AGBL1: variants seen among roughly 807,000 people sequenced by gnomAD.
AGBL1 encodes the protein AGBL carboxypeptidase 1.
AGBL1 carries 130 observed loss-of-function variants against 118.9 expected under a neutral mutation model. The ratio of observed to expected loss-of-function variants is 1.09; its 90% CI spans 0.95 to 1.26. AGBL1 has a LOEUF of 1.26. Among genes scored for constraint, AGBL1 ranks in the 50% most tolerant of loss-of-function variants. The pLI, the probability that AGBL1 is intolerant of heterozygous loss-of-function variation, is 0.00. For missense variants in AGBL1, 1,584 were observed against 1,298.1 expected, an observed-to-expected ratio of 1.22 and a Z score of -3.38; for synonymous variants, 555 against 478.9, an observed-to-expected ratio of 1.16 and a Z score of -2.08.
chr15:86,604,123 T>C (rs1196380870), intron 21 of AGBL1, among the ~76,000 whole-genome samples: 1 of 152,096 alleles, frequency 6.6e-6, no homozygotes, highest in East Asian at 1.9e-4. Context: ...AACAAACTCA[T>C]CGGGGCCACC....
rs536602469 is a variant in AGBL1 at position 86,432,655 on chromosome 15, C to G, written c.2555+35109C>G. 2.0e-5 allele frequency among the ~76,000 whole-genome samples: 3 copies of G among 152,258 alleles called. No homozygotes were observed. The East Asian group carries it at 5.8e-4, about 29-fold the overall frequency. On this transcript the variant is annotated intron_variant, in intron 18 of 22. Transcript: ENST00000614907. ...TTATACTTTACTCTTGCTGGCCAAC[C>G]TTTTTCACTTAAATAATATCAGGTC...
chr15:86,499,015 C>A (rs906576875), intron 18 of AGBL1, among the ~76,000 whole-genome samples: 1 of 151,872 alleles, frequency 6.6e-6, no homozygotes, highest in Non-Finnish European at 1.5e-5. Context: ...GTGTGCTAGA[C>A]CACCTGCCCA....
chr15:86,792,144 G>A (rs1347898601), intron 22 of AGBL1, among the ~76,000 whole-genome samples: 1 of 152,160 alleles, frequency 6.6e-6, no homozygotes, highest in Non-Finnish European at 1.5e-5. Context: ...TTATTCTGAA[G>A]TAGGCCTGTC....
chr15:86,628,950 A>C (rs1008191552), intron 21 of AGBL1, among the ~76,000 whole-genome samples: 1 of 152,150 alleles, frequency 6.6e-6, no homozygotes, highest in African/African-American at 2.4e-5. Flanking sequence ...CAAGCTAATT[A>C]ATATGTCAGT....
At chr15:86,782,961 T>G (rs1261654224) in intron 22 of AGBL1, among the ~76,000 whole-genome samples, 1 of 152,174 alleles carries the variant, frequency 6.6e-6, no homozygotes, top group Non-Finnish European at 1.5e-5. Flanking sequence ...ACCAAATTCT[T>G]TGGCCACTTT....
At chr15:86,833,084 C>T (rs1377347761) in intron 22 of AGBL1, among the ~76,000 whole-genome samples, 1 of 152,136 alleles carries the variant, frequency 6.6e-6, no homozygotes, top group African/African-American at 2.4e-5. Context: ...GAGACTTAAT[C>T]ACAGCATGGA....
At chr15:86,842,451 G>T (rs2079258840) in intron 22 of AGBL1, among the ~76,000 whole-genome samples, 1 of 152,122 alleles carries the variant, frequency 6.6e-6, no homozygotes, top group African/African-American at 2.4e-5. Flanking sequence ...CCAGCCATGG[G>T]GCTGGTCTTC....
intron 21 of AGBL1, among the ~76,000 whole-genome samples, chr15:86,581,521 G>A (rs1039461208): frequency 2.6e-5 from 4 of 152,144 alleles, no homozygotes; most frequent in African/African-American, 9.7e-5. Flanking sequence ...AAACCATTAT[G>A]TTGACTTCCA....
intron 21 of AGBL1, among the ~76,000 whole-genome samples, chr15:86,633,847 TGTATATATATA>T: frequency 2.4e-5 from 1 of 41,924 alleles, no homozygotes; most frequent in Admixed American, 2.5e-4. Flanking sequence ...ATATATATAA[TGTATATATATA>T]TATAATGTAT....
Position 86,801,089 on chromosome 15 carries a change from C to T in AGBL1, c.3159-105998C>T, listed in dbSNP as rs139764945. Among the ~76,000 whole-genome samples the T allele has an allele frequency of 2.3e-3, 353 of 152,146 alleles. 2 individuals are homozygous for T. The highest frequency in any genetic ancestry group is 7.8e-3 in the African/African-American group (325 of 41,546). ...AAAAAACTCGAACTTACATGTATAA[C>T]ACTTTTTTATGGCCCATCCTCAAAA... is the stretch of plus-strand genomic sequence containing the variant. On this transcript the variant is annotated intron_variant, in intron 22 of 22. Transcript: ENST00000614907.
At chr15:86,916,218 CAA>C (rs2080420464), downstream of AGBL1, 1 of 152,152 alleles carries the variant, frequency 6.6e-6, no homozygotes, top group Non-Finnish European at 1.5e-5. Flanking sequence ...TATTCCCAGT[CAA>C]AGAGACCATT....
chr15:86,484,103 C>T (rs2082685421), intron 18 of AGBL1, among the ~76,000 whole-genome samples: 1 of 152,140 alleles, frequency 6.6e-6, no homozygotes, highest in Non-Finnish European at 1.5e-5. Flanking sequence ...ATCTGCCAGC[C>T]AATCACAGCC....
chr15:86,752,318 C>G (rs1004382509), intron 22 of AGBL1, among the ~76,000 whole-genome samples: 1 of 152,112 alleles, frequency 6.6e-6, no homozygotes. Flanking sequence ...TTGGAACTAG[C>G]ATTTGTAGCC....
chr15:86,280,332 A>G (rs2079330655), intron 16 of AGBL1, among the ~76,000 whole-genome samples: 1 of 152,188 alleles, frequency 6.6e-6, no homozygotes, highest in Non-Finnish European at 1.5e-5. Flanking sequence ...AAAACACTAG[A>G]TCATTGCAAC....
At chr15:86,374,405 T>C (rs1023950538) in intron 17 of AGBL1, among the ~76,000 whole-genome samples, 2 of 152,236 alleles carry the variant, frequency 1.3e-5, no homozygotes, top group African/African-American at 2.4e-5. Flanking sequence ...ATAAAAGTAA[T>C]AGGAAGACCA....
intron 21 of AGBL1, among the ~76,000 whole-genome samples, chr15:86,654,881 A>G (rs935947012): frequency 1.3e-5 from 2 of 152,154 alleles, no homozygotes; most frequent in Non-Finnish European, 2.9e-5. Flanking sequence ...TCATAGCCCC[A>G]GGCACCGAGA....
At chr15:86,866,464 ACTT>A (rs1458803824) in intron 22 of AGBL1, among the ~76,000 whole-genome samples, 2 of 152,190 alleles carry the variant, frequency 1.3e-5, no homozygotes, top group African/African-American at 4.8e-5. Flanking sequence ...ACAGTCATCT[ACTT>A]CTTGCATAAG....
intron 23 of AGBL1, among the ~76,000 whole-genome samples, chr15:86,987,179 C>T (rs1057124624): frequency 1.3e-5 from 2 of 152,148 alleles, no homozygotes; most frequent in Non-Finnish European, 2.9e-5. Flanking sequence ...TGTGATTCTT[C>T]AGTTACTTCA....
intron 21 of AGBL1, among the ~76,000 whole-genome samples, chr15:86,671,875 C>T (rs2085752907): frequency 6.6e-6 from 1 of 152,162 alleles, no homozygotes; most frequent in Admixed American, 6.5e-5. Context: ...CAGGTATGTG[C>T]TCCATGCCAG....
Sources: gnomAD v4.1 joint callset for allele counts (sites outside exome capture counted in the v4.1 genomes callset) on GRCh38, gnomAD v4.1.1 for gene constraint, MANE v1.5 for transcripts, NCBI Gene and HGNC (gene_info 2026-07-23, HGNC 2026-07-21) for gene names.